PTPRD: variants seen among roughly 807,000 people sequenced by gnomAD.
The protein encoded by PTPRD is receptor-type tyrosine-protein phosphatase delta.
A neutral mutation model predicts 214.5 loss-of-function variants in PTPRD; 34 were observed. That is an observed-to-expected ratio of 0.16 (90% CI 0.12 to 0.21). The LOEUF (loss-of-function observed/expected upper bound fraction) is 0.21. Ranked by LOEUF, PTPRD falls within the 10% of genes least tolerant of loss-of-function variation. The pLI, the probability that PTPRD is intolerant of heterozygous loss-of-function variation, is 1.00. For synonymous variants in PTPRD, 1,128 were observed against 845.7 expected (o/e 1.33, Z -5.79); for missense variants, 2,545 against 2,398.7 (o/e 1.06, Z -1.27).
intron 8 of PTPRD, among the ~76,000 whole-genome samples, chr9:9,535,589 A>G (rs1218504874): frequency 6.6e-6 from 1 of 152,086 alleles, no homozygotes; most frequent in African/African-American, 2.4e-5. Flanking sequence ...AAAGCAGCCA[A>G]TGTGGTGAAA....
chr9:10,560,180 T>A (rs2131477767), intron 2 of PTPRD, among the ~76,000 whole-genome samples: 1 of 152,166 alleles, frequency 6.6e-6, no homozygotes, highest in South Asian at 2.1e-4. Context: ...AATGATAGAA[T>A]GGATTAAGAA....
At chr9:8,830,129 G>A (rs774396577) in intron 11 of PTPRD, among the ~76,000 whole-genome samples, 10 of 151,996 alleles carry the variant, frequency 6.6e-5, no homozygotes, top group Non-Finnish European at 1.3e-4. Context: ...CTATAGCATA[G>A]GTACTGTTAT....
intron 8 of PTPRD, among the ~76,000 whole-genome samples, chr9:9,521,681 A>G (rs1488033633): frequency 5.3e-5 from 8 of 152,320 alleles, no homozygotes; most frequent in African/African-American, 1.9e-4. Flanking sequence ...CGTAAATGAC[A>G]TACACATGTA....
At position 9,444,665 on chromosome 9, in the gene PTPRD, G is replaced by T. The variant is rs1466717296; in HGVS notation, c.-236-47183C>A. On this transcript the variant is annotated intron_variant, in intron 8 of 45. Transcript: ENST00000381196. ...ACTTTCTGACCCCAAGTTAGACTGG[G>T]GTAGGAGTTACAGGTAATAAAAAGA... Among the ~76,000 whole-genome samples, 3 of 152,192 alleles carry T rather than the reference G, an allele frequency of 2.0e-5. 1 individual carries two copies. In the East Asian group the frequency reaches 5.8e-4, roughly 29 times the overall value.
At chr9:10,222,061 A>G (rs1327404357) in intron 3 of PTPRD, among the ~76,000 whole-genome samples, 1 of 152,078 alleles carries the variant, frequency 6.6e-6, no homozygotes, top group African/African-American at 2.4e-5. Flanking sequence ...AGAAGTGTAA[A>G]TTACCCATGA....
chr9:8,768,247 A>C (rs1445063284), intron 11 of PTPRD, among the ~76,000 whole-genome samples: 1 of 152,176 alleles, frequency 6.6e-6, no homozygotes, highest in Admixed American at 6.6e-5. Context: ...AAAATTAAAA[A>C]ATAAAATAAC....
At chr9:10,038,181 T>A (rs2097222738) in intron 3 of PTPRD, among the ~76,000 whole-genome samples, 1 of 152,138 alleles carries the variant, frequency 6.6e-6, no homozygotes. Context: ...GTAACTCTAT[T>A]TATTCCTTCT....
chr9:8,606,859 AG>A (rs1424140561), intron 14 of PTPRD, among the ~76,000 whole-genome samples: 2 of 152,236 alleles, frequency 1.3e-5, no homozygotes, highest in Admixed American at 6.5e-5. Flanking sequence ...AAATGAATCC[AG>A]GATCTGTCAC....
chr9:9,485,600 T>C (rs1460524552), intron 8 of PTPRD, among the ~76,000 whole-genome samples: 1 of 152,174 alleles, frequency 6.6e-6, no homozygotes, highest in Non-Finnish European at 1.5e-5. Context: ...AACAAAGAAA[T>C]TACGTGATCA....
At chr9:9,942,889 TGA>T (rs1203854134) in intron 4 of PTPRD, among the ~76,000 whole-genome samples, 1 of 138,132 alleles carries the variant, frequency 7.2e-6, no homozygotes, top group African/African-American at 3.1e-5. Context: ...AACATTGCTC[TGA>T]GTTGTTTTTT....
chr9:10,285,714 C>T (rs957475426), intron 3 of PTPRD, among the ~76,000 whole-genome samples: 14 of 150,686 alleles, frequency 9.3e-5, no homozygotes, highest in African/African-American at 3.4e-4. Flanking sequence ...AGGTTCACGC[C>T]ATTCTCCTGC....
intron 9 of PTPRD, among the ~76,000 whole-genome samples, chr9:9,242,623 T>G (rs2099970937): frequency 6.6e-6 from 1 of 152,198 alleles, no homozygotes; most frequent in Non-Finnish European, 1.5e-5. Context: ...TTTCTTCCAG[T>G]TGATCGAATC....
chr9:9,815,478 C>G (rs573152066), intron 5 of PTPRD, among the ~76,000 whole-genome samples: 7 of 151,722 alleles, frequency 4.6e-5, no homozygotes, highest in Non-Finnish European at 1.0e-4. Flanking sequence ...TAGATGACAC[C>G]GAAAGCAAAG....
At chr9:9,280,304 G>A (rs1947212751) in intron 9 of PTPRD, among the ~76,000 whole-genome samples, 1 of 151,042 alleles carries the variant, frequency 6.6e-6, no homozygotes, top group African/African-American at 2.4e-5. Context: ...TGAATTAATT[G>A]TACATATGAA....
At chr9:9,529,849 T>C (rs1241323278) in intron 8 of PTPRD, among the ~76,000 whole-genome samples, 1 of 151,512 alleles carries the variant, frequency 6.6e-6, no homozygotes. Context: ...ACACACTATA[T>C]ATATATATTT....
intron 10 of PTPRD, among the ~76,000 whole-genome samples, chr9:9,080,923 G>A (rs765837283): frequency 3.3e-5 from 5 of 151,714 alleles, no homozygotes; most frequent in Non-Finnish European, 7.4e-5. Context: ...GGTCTATTTT[G>A]TTAATCTTTT....
chr9:9,930,814 A>G (rs2086234700), intron 5 of PTPRD, among the ~76,000 whole-genome samples: 1 of 152,086 alleles, frequency 6.6e-6, no homozygotes, highest in Admixed American at 6.6e-5. Flanking sequence ...AAATAGGTCA[A>G]TTTTGATTAT....
At chr9:9,753,845 T>C (rs1048700644) in intron 6 of PTPRD, among the ~76,000 whole-genome samples, 1 of 152,040 alleles carries the variant, frequency 6.6e-6, no homozygotes, top group Non-Finnish European at 1.5e-5. Flanking sequence ...CCCTTTTTCA[T>C]GCCCCTATCC....
At chr9:10,205,080 G>T (rs2099462475) in intron 3 of PTPRD, among the ~76,000 whole-genome samples, 1 of 152,170 alleles carries the variant, frequency 6.6e-6, no homozygotes, top group East Asian at 1.9e-4. Flanking sequence ...TAAAGTGGCT[G>T]CCAGCCATAT....
Sources: gnomAD v4.1 joint callset for allele counts (sites outside exome capture counted in the v4.1 genomes callset) on GRCh38, gnomAD v4.1.1 for gene constraint, MANE v1.5 for transcripts, NCBI Gene and HGNC (gene_info 2026-07-23, HGNC 2026-07-21) for gene names.